PROSER2: variants seen among roughly 807,000 people sequenced by gnomAD.
PROSER2 encodes proline and serine-rich protein 2.
PROSER2 carries 18 observed loss-of-function variants against 14.6 expected under a neutral mutation model. That is an observed-to-expected ratio of 1.23 (90% confidence interval 0.85 to 1.83). The LOEUF (loss-of-function observed/expected upper bound fraction) is 1.83, where lower values mean the gene tolerates loss of function less well. Ranked by LOEUF, PROSER2 falls within the 40% of genes most tolerant of loss-of-function variation. PROSER2 has a pLI of 0.00. For synonymous variants in PROSER2, 367 were observed against 286.4 expected (o/e 1.28, Z -2.84); for missense variants, 823 against 629.8 (o/e 1.31, Z -3.28).
intron 1 of PROSER2, among the ~76,000 whole-genome samples, chr10:11,833,043 C>T (rs1025921967): frequency 4.6e-5 from 7 of 151,616 alleles, no homozygotes; most frequent in Non-Finnish European, 1.0e-4. Context: ...AGCATTTCAC[C>T]TTGTTGGCCA....
chr10:11,824,378 C>T (rs911792155), intron 1 of PROSER2, among the ~76,000 whole-genome samples: 1 of 152,122 alleles, frequency 6.6e-6, no homozygotes, highest in Non-Finnish European at 1.5e-5. Context: ...CCAAACCAGG[C>T]GTACGTGGAA....
At chr10:11,847,955 A>G (rs545787857) in intron 1 of PROSER2, among the ~76,000 whole-genome samples, 2 of 152,214 alleles carry the variant, frequency 1.3e-5, no homozygotes, top group South Asian at 2.1e-4. Flanking sequence ...TCTATTGAAT[A>G]GTTAAGATGT....
At chr10:11,828,017 T>C (rs1036919931) in intron 1 of PROSER2, among the ~76,000 whole-genome samples, 1 of 151,908 alleles carries the variant, frequency 6.6e-6, no homozygotes, top group African/African-American at 2.4e-5. Context: ...TTACATTTTA[T>C]TTTTTTTAAT....
At chr10:11,859,031 AAG>A (rs1554767663) in intron 2 of PROSER2, among the ~76,000 whole-genome samples, 12 of 56,012 alleles carry the variant, frequency 2.1e-4, no homozygotes, top group Middle Eastern at 6.8e-3. Context: ...AAAAAAAAAA[AAG>A]GAGAGATGGT....
intron 1 of PROSER2, chr10:11,850,077 G>T (rs1290133249): frequency 2.0e-5 from 3 of 152,306 alleles, no homozygotes; most frequent in African/African-American, 7.2e-5. Context: ...CAAAACAGAT[G>T]AAGACAATGG....
Position 11,866,489 on chromosome 10 carries a change from G to C in PROSER2, c.139-42G>C, listed in dbSNP as rs1564314342. 6.2e-7 allele frequency: 1 copy of C among 1,605,274 alleles called. No homozygotes were observed. Among genetic ancestry groups the C allele is most frequent in the Non-Finnish European group, 8.5e-7 (1 of 1,174,738 alleles). ...AGCTTTTGTCTCTTTAGTGAAGCCA[G>C]TGTTTGTTTTCTCTCTTCTGTTCCC... On this transcript the variant is annotated intron_variant, in intron 2 of 3. Coordinates refer to ENST00000277570, the MANE Select transcript of PROSER2 (RefSeq NM_153256.4). The surrounding 1 kb of genome is among the most constrained non-coding windows in gnomAD (Gnocchi z 6.0).
intron 2 of PROSER2, among the ~76,000 whole-genome samples, chr10:11,859,673 C>T (rs1183942632): frequency 5.9e-5 from 9 of 152,186 alleles, no homozygotes; most frequent in African/African-American, 1.9e-4. Context: ...AGCTCTCTCC[C>T]GCCTCCAAGG....
At chr10:11,863,969 C>T (rs753725294) in intron 2 of PROSER2, among the ~76,000 whole-genome samples, 6 of 152,056 alleles carry the variant, frequency 3.9e-5, no homozygotes, top group Admixed American at 2.0e-4. Context: ...GGGGAGCCCT[C>T]GTTATTCTGG....
chr10:11,828,634 C>T (rs554338094), intron 1 of PROSER2, among the ~76,000 whole-genome samples: 11 of 152,050 alleles, frequency 7.2e-5, no homozygotes, highest in African/African-American at 2.4e-4. Flanking sequence ...ACTCAGGAGG[C>T]GAAGGTTGTA....
intron 1 of PROSER2, among the ~76,000 whole-genome samples, chr10:11,843,096 A>G (rs1307136002): frequency 1.3e-5 from 2 of 149,540 alleles, no homozygotes; most frequent in Non-Finnish European, 1.5e-5. Flanking sequence ...GCCCGCCACC[A>G]TGCCCGGCTA....
Position 11,823,626 on chromosome 10 carries a change from G to T in PROSER2, c.-82+156G>T, listed in dbSNP as rs1006438109. Among the ~76,000 whole-genome samples the T allele has an allele frequency of 2.6e-5, 4 of 151,938 alleles. No individual in the cohort carries two copies. Reference sequence around the variant, plus strand: ...CGCGCTCCTCGCTCTGACTAGGGGAGCCCGGCGCCGCCGCCGCAGAGGCCA... The same window carrying T: ...CGCGCTCCTCGCTCTGACTAGGGGATCCCGGCGCCGCCGCCGCAGAGGCCA... On this transcript the variant is annotated intron_variant, in intron 1 of 3. Coordinates refer to ENST00000277570, the MANE Select transcript of PROSER2 (RefSeq NM_153256.4). The surrounding 1 kb of genome is among the most constrained non-coding windows in gnomAD (Gnocchi z 6.2).
At position 11,870,251 on chromosome 10, in the gene PROSER2, G is replaced by T; in HGVS notation, c.1153G>T (p.Gly385Trp). Residue 385 changes from glycine (G) to tryptophan (W), a missense_variant, in exon 4 of 4, where the codon GGG becomes TGG. Transcript: ENST00000277570. ...CACGCGGGCCCGTCAGAGCTTCCCCGGGCCCCGGCAGCCCAACGGCGCCCA... is the reference window on the plus strand; with the variant it reads ...CACGCGGGCCCGTCAGAGCTTCCCCTGGCCCCGGCAGCCCAACGGCGCCCA... ...PSTRARQSFPGPRQPNGAQDW... is the reference protein window; with the variant it reads ...PSTRARQSFPWPRQPNGAQDW... 6.7e-7 allele frequency: 1 copy of T among 1,486,864 alleles called. No individual in the cohort carries two copies. 92.1% of individuals were successfully genotyped at this position (1,486,864 alleles called of 1,614,324 possible). A position where few individuals can be genotyped will look rare whatever the true frequency, so the allele number is the denominator to read the frequency against.
At chr10:11,868,412 A>G (rs150826925) in intron 3 of PROSER2, among the ~76,000 whole-genome samples, 1 of 152,090 alleles carries the variant, frequency 6.6e-6, no homozygotes, top group Non-Finnish European at 1.5e-5. Flanking sequence ...AGTAGCTGGC[A>G]CTACAAGCAT....
chr10:11,851,258 A>G (rs1834012205), intron 1 of PROSER2: 2 of 152,246 alleles, frequency 1.3e-5, no homozygotes, highest in African/African-American at 4.8e-5. Flanking sequence ...AGAGGACTGT[A>G]TGAAATTAAG....
intron 1 of PROSER2, among the ~76,000 whole-genome samples, chr10:11,829,120 C>T (rs555830534): frequency 1.3e-5 from 2 of 152,030 alleles, no homozygotes; most frequent in East Asian, 3.9e-4. Context: ...CCCGGCTCTC[C>T]TGTGGAGTAG....
rs1834124701 is a variant in PROSER2 at position 11,856,483 on chromosome 10, CAAG to C, written c.138+4269_138+4271del. 6.6e-6 allele frequency among the ~76,000 whole-genome samples: 1 copy of C among 152,222 alleles called. No homozygotes were observed. On this transcript the variant is annotated intron_variant, in intron 2 of 3. Transcript: ENST00000277570. This position sits in a 1 kb window ranked among gnomAD's most constrained non-coding sequence, Gnocchi z 5.3. ...GAGAGCTCTGCACTCGCATGGTTCT[CAAG>C]GAGTGGAGCTGGAACAGCATGGCTG...
rs1833798830 is a variant in PROSER2 at position 11,838,959 on chromosome 10, T to C, written c.-81-13038T>C. Among the ~76,000 whole-genome samples the C allele has an allele frequency of 6.6e-6, 1 of 152,248 alleles. No homozygotes were observed. Among genetic ancestry groups the C allele is most frequent in the African/African-American group, 2.4e-5 (1 of 41,470 alleles). On this transcript the variant is annotated intron_variant, in intron 1 of 3. Transcript: ENST00000277570. The surrounding 1 kb of genome is among the most constrained non-coding windows in gnomAD (Gnocchi z 4.4). ...TCTCTTAATATTGTCTATGGTGTCCTTAATTTTTATGTAGACAGATGCATT... is the reference window on the plus strand; with the variant it reads ...TCTCTTAATATTGTCTATGGTGTCCCTAATTTTTATGTAGACAGATGCATT...
chr10:11,867,625 A>G (rs931415353), intron 3 of PROSER2, among the ~76,000 whole-genome samples: 2 of 152,190 alleles, frequency 1.3e-5, no homozygotes, highest in Admixed American at 6.5e-5. Flanking sequence ...CCCTGTCTCA[A>G]AAAAAGAAAG....
At position 11,866,685 on chromosome 10, in the gene PROSER2, C is replaced by T. The variant is rs1263166968; in HGVS notation, c.293C>T (p.Thr98Ile). The T allele has an allele frequency of 3.1e-6, 5 of 1,614,134 alleles. No individual in the cohort carries two copies. The highest frequency in any genetic ancestry group is 4.2e-6 in the Non-Finnish European group (5 of 1,180,040). ...CLCSPSLEES[T>I]SSPSEPEDVI... is the part of the protein sequence containing the mutation. ...TGCTCCCCGTCTCTGGAGGAGAGCA[C>T]CTCCAGTCCCTCCGAGCCTGAAGAT... The change falls in exon 3 of 4, where the codon ACC (threonine) becomes ATC (isoleucine). Residue 98 changes from threonine to isoleucine, a missense_variant. By Grantham distance (89) the Thr-to-Ile change is moderately conservative (BLOSUM62 -1). Transcript: ENST00000277570. The surrounding 1 kb of genome is among the most constrained non-coding windows in gnomAD (Gnocchi z 6.0).
Sources: allele counts gnomAD v4.1 joint callset (sites outside exome capture counted in the v4.1 genomes callset), GRCh38; gene constraint gnomAD v4.1.1; non-coding constraint Gnocchi (gnomAD v3.1); transcripts MANE v1.5; gene names NCBI Gene and HGNC (gene_info 2026-07-23, HGNC 2026-07-21).